HPSE2: variants seen among roughly 807,000 people sequenced by gnomAD.
HPSE2 encodes inactive heparanase-2.
In HPSE2, 38 loss-of-function variants were observed where a neutral mutation model predicts 60.5. The ratio of observed to expected loss-of-function variants is 0.63; its 90% confidence interval spans 0.48 to 0.82. HPSE2 has a LOEUF of 0.82. Ranked by LOEUF, HPSE2 falls within the 40% of genes least tolerant of loss-of-function variation. The pLI, the probability that HPSE2 is intolerant of heterozygous loss-of-function variation, is 0.00. For missense variants in HPSE2, 713 were observed against 740.4 expected (o/e 0.96, Z 0.43); for synonymous variants, 295 against 293.2 (o/e 1.01, Z -0.06).
At chr10:99,011,840 T>C (rs539325018) in intron 3 of HPSE2, among the ~76,000 whole-genome samples, 16 of 151,732 alleles carry the variant, frequency 1.1e-4, no homozygotes, top group African/African-American at 3.9e-4. Context: ...ATACATTGTA[T>C]CAATCAATCT....
intron 9 of HPSE2, among the ~76,000 whole-genome samples, chr10:98,572,571 C>A (rs1227393386): frequency 6.6e-6 from 1 of 152,204 alleles, no homozygotes; most frequent in African/African-American, 2.4e-5. Flanking sequence ...TTGCATCCTG[C>A]AAACTGCATC....
Position 98,930,362 on chromosome 10 carries a change from C to T in HPSE2, c.611-186306G>A, listed in dbSNP as rs868583828. Among the ~76,000 whole-genome samples, 20 of 144,374 alleles carry T rather than the reference C, an allele frequency of 1.4e-4. 6 individuals carry two copies. Among genetic ancestry groups the T allele is most frequent in the African/African-American group, 5.6e-4 (20 of 35,658 alleles). 94.7% of individuals were successfully genotyped at this position (144,374 alleles called of 152,430 possible). ...AGTATTTCATGGTGTATATATACCACAGTTTCTTTATCCAGTCTATCATTG... is the reference window on the plus strand; with the variant it reads ...AGTATTTCATGGTGTATATATACCATAGTTTCTTTATCCAGTCTATCATTG... On this transcript the variant is annotated intron_variant, in intron 3 of 11. Coordinates refer to ENST00000370552, the MANE Select transcript of HPSE2 (RefSeq NM_021828.5).
chr10:98,540,444 T>C (rs1309761642), intron 9 of HPSE2, among the ~76,000 whole-genome samples: 1 of 152,200 alleles, frequency 6.6e-6, no homozygotes, highest in Non-Finnish European at 1.5e-5. Flanking sequence ...ACCCTAAAGA[T>C]GTAGTAGGCC....
intron 3 of HPSE2, among the ~76,000 whole-genome samples, chr10:98,838,893 T>C (rs1176902001): frequency 5.3e-5 from 8 of 152,304 alleles, no homozygotes; most frequent in African/African-American, 9.6e-5. Context: ...AATGCACATA[T>C]AGGCTCATCT....
chr10:98,754,947 C>T (rs535257532), intron 3 of HPSE2, among the ~76,000 whole-genome samples: 7 of 151,914 alleles, frequency 4.6e-5, no homozygotes, highest in South Asian at 2.1e-4. Context: ...TTGATTGACA[C>T]TATAAAGCAA....
the HPSE2 span, among the ~76,000 whole-genome samples, chr10:99,294,822 C>T: frequency 6.6e-6 from 1 of 152,052 alleles, no homozygotes; most frequent in African/African-American, 2.4e-5. Flanking sequence ...CAGGCGTGTA[C>T]CACCACGCCT....
intron 7 of HPSE2, among the ~76,000 whole-genome samples, chr10:98,626,566 C>A (rs1215853104): frequency 6.6e-6 from 1 of 152,010 alleles, no homozygotes; most frequent in Non-Finnish European, 1.5e-5. Flanking sequence ...CATTTAGACA[C>A]CCAAGAAACC....
At chr10:98,796,114 A>C (rs1314544406) in intron 3 of HPSE2, among the ~76,000 whole-genome samples, 1 of 152,154 alleles carries the variant, frequency 6.6e-6, no homozygotes, top group Non-Finnish European at 1.5e-5. Flanking sequence ...GCTACAGTGA[A>C]AGACTCCTTG....
chr10:99,164,186 A>G (rs1589757947), intron 2 of HPSE2, among the ~76,000 whole-genome samples: 1 of 136,044 alleles, frequency 7.4e-6, no homozygotes, highest in African/African-American at 2.7e-5. Context: ...TTCTATAAGG[A>G]AGAGAGTTGT....
At chr10:98,605,756 C>A (rs1565007979) in intron 9 of HPSE2, among the ~76,000 whole-genome samples, 1 of 152,236 alleles carries the variant, frequency 6.6e-6, no homozygotes, top group Non-Finnish European at 1.5e-5. Flanking sequence ...TTGAGCTAAA[C>A]TTTGCTGAGC....
At chr10:99,148,125 C>A (rs1846123145) in intron 2 of HPSE2, among the ~76,000 whole-genome samples, 1 of 152,148 alleles carries the variant, frequency 6.6e-6, no homozygotes. Context: ...CCAGAACATG[C>A]AGAATAAAGA....
chr10:98,608,992 C>T (rs1037111702), intron 9 of HPSE2, among the ~76,000 whole-genome samples: 2 of 152,132 alleles, frequency 1.3e-5, no homozygotes, highest in African/African-American at 4.8e-5. Flanking sequence ...CTTAATTTTT[C>T]CTAATCCATC....
intron 9 of HPSE2, among the ~76,000 whole-genome samples, chr10:98,516,636 G>A (rs1182956923): frequency 1.3e-5 from 2 of 152,080 alleles, no homozygotes; most frequent in Non-Finnish European, 2.9e-5. Context: ...ACTAAACCAG[G>A]AGGGTACACT....
Position 98,960,735 on chromosome 10 carries a change from A to G in HPSE2, c.610+183503T>C, listed in dbSNP as rs28649919. Among the ~76,000 whole-genome samples the G allele has an allele frequency of 4.0e-3, 194 of 48,352 alleles. 3 individuals carry two copies. The highest frequency in any genetic ancestry group is 0.014 in the African/African-American group (177 of 12,566). 31.7% of individuals were successfully genotyped at this position (48,352 alleles called of 152,430 possible). ...TTTTTTTTTTTGTTTTATTTTTTTTATTTTATTTTTTTTTTTATTATACTC... is the reference window on the plus strand; with the variant it reads ...TTTTTTTTTTTGTTTTATTTTTTTTGTTTTATTTTTTTTTTTATTATACTC... On this transcript the variant is annotated intron_variant, in intron 3 of 11. Transcript: ENST00000370552.
chr10:98,671,090 C>T (rs1947495607), intron 6 of HPSE2, among the ~76,000 whole-genome samples: 1 of 152,174 alleles, frequency 6.6e-6, no homozygotes, highest in East Asian at 1.9e-4. Flanking sequence ...GGATACTCAA[C>T]TGTAGTAGTA....
At chr10:99,279,600 T>G in the HPSE2 span, among the ~76,000 whole-genome samples, 12 of 152,338 alleles carry the variant, frequency 7.9e-5, no homozygotes, top group Admixed American at 2.0e-4. Flanking sequence ...AGCTCTAAAT[T>G]TAATGCATGG....
At chr10:99,137,450 A>T (rs796489207) in intron 3 of HPSE2, among the ~76,000 whole-genome samples, 11 of 152,362 alleles carry the variant, frequency 7.2e-5, no homozygotes, top group African/African-American at 2.6e-4. Flanking sequence ...ATCCTGAGCA[A>T]CAAGAACAAA....
intron 4 of HPSE2, among the ~76,000 whole-genome samples, chr10:98,724,977 T>C (rs924103886): frequency 6.6e-6 from 1 of 151,966 alleles, no homozygotes; most frequent in African/African-American, 2.4e-5. Flanking sequence ...CACTGCTCAA[T>C]GAAATAAAAG....
intron 3 of HPSE2, among the ~76,000 whole-genome samples, chr10:99,120,561 C>G (rs1488633681): frequency 6.6e-6 from 1 of 151,978 alleles, no homozygotes; most frequent in East Asian, 1.9e-4. Context: ...GCAACCTCCA[C>G]CTCCCAGGTT....
Sources: gnomAD v4.1 joint callset for allele counts (sites outside exome capture counted in the v4.1 genomes callset) on GRCh38, gnomAD v4.1.1 for gene constraint, MANE v1.5 for transcripts, NCBI Gene and HGNC (gene_info 2026-07-23, HGNC 2026-07-21) for gene names.